The following ADAM22 variants were observed in gnomAD, a reference collection of about 807,000 sequenced individuals.
ADAM22 encodes disintegrin and metalloproteinase domain-containing protein 22.
In ADAM22, 65 loss-of-function variants were observed where a neutral mutation model predicts 144.6. That is an observed-to-expected ratio of 0.45 (90% CI 0.37 to 0.55). The LOEUF is 0.55. Ranked by LOEUF, ADAM22 falls within the 20% of genes least tolerant of loss-of-function variation. The pLI, the probability that ADAM22 is intolerant of heterozygous loss-of-function variation, is 0.00. For missense variants in ADAM22, 974 were observed against 1,184.9 expected (o/e 0.82, Z 2.61); for synonymous variants, 391 against 412.6 (o/e 0.95, Z 0.63).
chr7:87,970,379 G>A (rs1266265113), intron 2 of ADAM22, among the ~76,000 whole-genome samples: 1 of 152,004 alleles, frequency 6.6e-6, no homozygotes, highest in Non-Finnish European at 1.5e-5. Context: ...ACTGTTACAT[G>A]CATTAACTCT....
intron 2 of ADAM22, among the ~76,000 whole-genome samples, chr7:87,950,709 G>A (rs4451235): frequency 0.022 from 3,276 of 147,230 alleles, 133 homozygotes; most frequent in African/African-American, 0.079. Context: ...CTGAGGAATC[G>A]CCACACTGAC....
intron 29 of ADAM22, among the ~76,000 whole-genome samples, chr7:88,184,748 C>T (rs1054768090): frequency 6.6e-6 from 1 of 152,072 alleles, no homozygotes. Flanking sequence ...TGGGCAGATC[C>T]CCAGAAAGAA....
At position 88,134,367 on chromosome 7, in the gene ADAM22, G is replaced by T. The variant is rs1249243429; in HGVS notation, c.1116G>T (p.Gln372His). ...KTDLMAVTLA[Q>H]SLAHNIGIIS... ...ATTTAATGGCTGTTACACTTGCCCA[G>T]TCATTAGCCCATAATATTGGTATTA... The change falls in exon 13 of 32, where the codon CAG (glutamine) becomes CAT (histidine). Residue 372 changes from glutamine (Q) to histidine (H), a missense_variant. Physicochemically the swap from Gln to His is conservative, Grantham distance 24. Around this residue, in one of 2 missense-constraint regions of ADAM22, gnomAD observed 734 missense variants for 950.6 expected, o/e 0.77. Coordinates refer to ENST00000413139, the MANE Select transcript of ADAM22 (RefSeq NM_001324418.2). 6.2e-7 allele frequency: 1 copy of T among 1,610,220 alleles called. No individual in the cohort carries two copies. Among genetic ancestry groups the T allele is most frequent in the African/African-American group, 1.3e-5 (1 of 74,774 alleles).
chr7:87,990,951 A>T (rs1789688323), intron 3 of ADAM22, among the ~76,000 whole-genome samples: 1 of 152,234 alleles, frequency 6.6e-6, no homozygotes, highest in East Asian at 1.9e-4. Context: ...GACGTGAGCC[A>T]CCACACCCAG....
At position 88,163,115 on chromosome 7, in the gene ADAM22, G is replaced by C. The variant is rs777732099; in HGVS notation, c.2011G>C (p.Val671Leu). 5.6e-6 allele frequency: 9 copies of C among 1,612,336 alleles called. No homozygotes were observed. The highest frequency in any genetic ancestry group is 7.6e-6 in the Non-Finnish European group (9 of 1,179,124). Residue 671 changes from valine (V) to leucine (L), a missense_variant, in exon 23 of 32, where the codon GTG (valine) becomes CTG (leucine). This residue lies in a region of ADAM22 where 734 missense variants were observed against 950.6 expected (regional missense o/e 0.77). Transcript: ENST00000413139. ...GTGCTTAGAACACAGGTGTCTTCCT[G>C]TGGCTTCTTTCAACTTTAGTACTTG... ...MMCLEHRCLPVASFNFSTCLS... is the reference protein window; with the variant it reads ...MMCLEHRCLPLASFNFSTCLS...
intron 4 of ADAM22, among the ~76,000 whole-genome samples, chr7:88,080,737 A>G (rs1365315740): frequency 1.3e-5 from 2 of 152,218 alleles, no homozygotes; most frequent in Non-Finnish European, 2.9e-5. Context: ...CAAATAAACT[A>G]GAAAATCTAG....
In ADAM22 at chr7:87,953,048, G is replaced by GC. The variant is rs1349275202; in HGVS notation, c.246+17863dup. On this transcript the variant is annotated intron_variant, in intron 2 of 31. Coordinates refer to ENST00000413139, the MANE Select transcript of ADAM22 (RefSeq NM_001324418.2). ...TCATCTCTTTTTCTTTATTAGTCTT[G>GC]CTAGTGGTCTATCAATTTTGTTGAT... Among the ~76,000 whole-genome samples the GC allele has an allele frequency of 2.0e-5, 3 of 151,324 alleles. No individual in the cohort carries two copies. In the East Asian group the frequency reaches 5.8e-4, roughly 29 times the overall value.
In ADAM22 at chr7:88,168,396, A is replaced by ATTT. The variant is rs1199583460; in HGVS notation, c.2282+170_2282+171insTTT. 5.7e-6 allele frequency: 4 copies of ATTT among 696,554 alleles called. 1 individual carries two copies. The South Asian group carries it at 5.8e-5, about 10-fold the overall frequency. The allele number at this position is 696,554 out of a possible 1,614,324, so 43.1% of individuals were successfully genotyped here. On this transcript the variant is annotated intron_variant, in intron 25 of 31. Transcript: ENST00000413139. ...ATTCTTGGCATGGCGAGAAGTGATA[A>ATTT]TAACATCATTTTTTAGATTTTGAGA...
intron 4 of ADAM22, among the ~76,000 whole-genome samples, chr7:88,105,128 T>C (rs1038942432): frequency 5.3e-5 from 8 of 152,218 alleles, no homozygotes; most frequent in Non-Finnish European, 7.3e-5. Flanking sequence ...ATTTATAAAA[T>C]AGTATGCTTT....
chr7:88,123,486 C>A (rs1408915270), intron 7 of ADAM22, among the ~76,000 whole-genome samples: 1 of 151,970 alleles, frequency 6.6e-6, no homozygotes, highest in Non-Finnish European at 1.5e-5. Flanking sequence ...TCTAAATTAA[C>A]AAATTTATTG....
chr7:88,153,521 C>A (rs1326907804), intron 21 of ADAM22, among the ~76,000 whole-genome samples, 195 bp downstream of exon 21: 1 of 152,184 alleles, frequency 6.6e-6, no homozygotes, highest in African/African-American at 2.4e-5. Flanking sequence ...CACCTCTCTC[C>A]TAAGGCCCAG....
At chr7:87,945,111 G>A (rs916870533) in intron 2 of ADAM22, among the ~76,000 whole-genome samples, 5 of 152,054 alleles carry the variant, frequency 3.3e-5, no homozygotes, top group Non-Finnish European at 7.4e-5. Context: ...GCCTTGCATG[G>A]ATCAGGAGAT....
intron 4 of ADAM22, among the ~76,000 whole-genome samples, chr7:88,095,312 A>G (rs1820967966): frequency 6.6e-6 from 1 of 152,210 alleles, no homozygotes; most frequent in African/African-American, 2.4e-5. Context: ...AGCATTTAGC[A>G]TAATATTTGT....
At chr7:88,045,605 A>G (rs937402615) in intron 3 of ADAM22, among the ~76,000 whole-genome samples, 1 of 152,146 alleles carries the variant, frequency 6.6e-6, no homozygotes, top group African/African-American at 2.4e-5. Context: ...TAGTTACCAC[A>G]GTGTGCAATA....
At chr7:87,993,429 A>G (rs1386315908) in intron 3 of ADAM22, among the ~76,000 whole-genome samples, 1 of 152,246 alleles carries the variant, frequency 6.6e-6, no homozygotes. Context: ...TGCTGTAAAT[A>G]GAAGAATAAT....
intron 2 of ADAM22, among the ~76,000 whole-genome samples, chr7:87,940,181 CAAAA>C (rs35309253): frequency 5.9e-4 from 45 of 76,008 alleles, no homozygotes; most frequent in African/African-American, 2.0e-3. Context: ...GTCTTTATCT[CAAAA>C]AAAAAAAAAA....
At chr7:87,957,531 A>T (rs1847064296) in intron 2 of ADAM22, among the ~76,000 whole-genome samples, 1 of 151,682 alleles carries the variant, frequency 6.6e-6, no homozygotes, top group Non-Finnish European at 1.5e-5. Flanking sequence ...CTCAGAGGAG[A>T]TCATTGTCTT....
intron 31 of ADAM22, among the ~76,000 whole-genome samples, chr7:88,196,032 T>G (rs1450942508): frequency 2.0e-5 from 3 of 152,076 alleles, no homozygotes; most frequent in Non-Finnish European, 4.4e-5. Context: ...GTGTGGTGCC[T>G]GGGAAGTGGA....
intron 3 of ADAM22, among the ~76,000 whole-genome samples, chr7:88,030,810 A>G (rs10279940): frequency 0.49 from 74,679 of 152,038 alleles, 18,668 homozygotes; most frequent in East Asian, 0.64. Flanking sequence ...CTGCAGAACC[A>G]TGAACTGATT....
Sources: gnomAD v4.1 joint callset for allele counts (sites outside exome capture counted in the v4.1 genomes callset) on GRCh38, gnomAD v4.1.1 for gene constraint, gnomAD v4.1.1 regional missense constraint, MANE v1.5 for transcripts, NCBI Gene and HGNC (gene_info 2026-07-23, HGNC 2026-07-21) for gene names.